Variants in NR0B2 observed in about 807,000 individuals in gnomAD.
NR0B2 encodes nuclear receptor subfamily 0 group B member 2, also known as nuclear receptor SHP.
A neutral mutation model predicts 18.9 loss-of-function variants in NR0B2; 17 were observed. The observed-to-expected ratio is 0.90, with a 90% CI of 0.62 to 1.35. NR0B2 has a LOEUF of 1.35. Among genes scored for constraint, NR0B2 ranks in the 40% most tolerant of loss-of-function variants. The pLI, the probability that NR0B2 is intolerant of heterozygous loss-of-function variation, is 0.00. For synonymous variants in NR0B2, 116 were observed against 138.5 expected (o/e 0.84, Z 1.14); for missense variants, 312 against 333.3 (o/e 0.94, Z 0.50).
chr1:26,912,736 G>T (rs1356619976), intron 1 of NR0B2, among the ~76,000 whole-genome samples: 1 of 152,102 alleles, frequency 6.6e-6, no homozygotes, highest in Non-Finnish European at 1.5e-5. Context: ...ACCCACAGAG[G>T]AGTTTTAGCT....
chr1:26,912,550 A>G (rs142599798), intron 1 of NR0B2, among the ~76,000 whole-genome samples: 66 of 152,300 alleles, frequency 4.3e-4, no homozygotes, highest in African/African-American at 1.5e-3. Context: ...ATTACAATTA[A>G]TTACTACGAT....
rs1428388662 is a variant in NR0B2 at position 26,911,694 on chromosome 1, T to C, written c.*151A>G. 2.3e-6 allele frequency: 2 copies of C among 866,298 alleles called. No individual in the cohort carries two copies. The highest frequency in any genetic ancestry group is 1.7e-5 in the African/African-American group (1 of 59,962). 53.7% of individuals were successfully genotyped at this position (866,298 alleles called of 1,614,324 possible). ...CAAACCAAGGAAGTCCAATGTGGGGTGTGGCTGAGTGAAGAGCTGTTCCTA... is the reference window on the plus strand; with the variant it reads ...CAAACCAAGGAAGTCCAATGTGGGGCGTGGCTGAGTGAAGAGCTGTTCCTA... On this transcript the variant is annotated 3_prime_UTR_variant, in exon 2 of 2. Transcript: ENST00000254227.
At position 26,913,426 on chromosome 1, in the gene NR0B2, G is replaced by A. The variant is rs1463909940; in HGVS notation, c.515C>T (p.Thr172Ile). 6.2e-7 allele frequency: 1 copy of A among 1,614,120 alleles called. No homozygotes were observed. Among genetic ancestry groups the A allele is most frequent in the Admixed American group, 1.7e-5 (1 of 60,008 alleles). ...SPKEYACLKG[T>I]ILFNPDVPGL... Reference sequence around the variant, plus strand: ...GAGCTCACCGGGGTTGAAGAGGATGGTCCCTTTCAGGCAGGCATATTCCTT... The same window carrying A: ...GAGCTCACCGGGGTTGAAGAGGATGATCCCTTTCAGGCAGGCATATTCCTT... The change falls in exon 1 of 2, where the codon ACC (threonine) becomes ATC (isoleucine). Residue 172 changes from threonine to isoleucine, a missense_variant. Coordinates refer to ENST00000254227, the MANE Select transcript of NR0B2 (RefSeq NM_021969.3).
intron 1 of NR0B2, 87 bp downstream of exon 1, chr1:26,913,322 A>G: frequency 4.3e-6 from 5 of 1,173,908 alleles, no homozygotes; most frequent in Non-Finnish European, 6.4e-6. Context: ...CCAATGAGAT[A>G]ACAGATATCA....
rs1445116897 is a variant in NR0B2 at position 26,912,081 on chromosome 1, G to T, written c.538C>A (p.Pro180Thr). The T allele has an allele frequency of 6.2e-7, 1 of 1,613,548 alleles. No individual in the cohort carries two copies. The highest frequency in any genetic ancestry group is 8.5e-7 in the Non-Finnish European group (1 of 1,180,020). The change falls in exon 2 of 2, where the codon CCA becomes ACA. Residue 180 changes from proline to threonine, a missense_variant. Physicochemically the swap from Pro to Thr is conservative, Grantham distance 38. Coordinates refer to ENST00000254227, the MANE Select transcript of NR0B2 (RefSeq NM_021969.3). ...ATGTGGGAGGCGGCTTGGAGGCCTG[G>T]CACATCTGTGGGCAGAGAGGGAGAA... ...KGTILFNPDV[P>T]GLQAASHIGH...
chr1:26,913,268 C>T, intron 1 of NR0B2, 141 bp downstream of exon 1: 1 of 794,866 alleles, frequency 1.3e-6, no homozygotes, highest in Non-Finnish European at 2.1e-6. Context: ...GACTGGGTGA[C>T]AGAGTGAGAC....
chr1:26,912,917 C>T (rs1470770683), intron 1 of NR0B2, among the ~76,000 whole-genome samples: 1 of 152,244 alleles, frequency 6.6e-6, no homozygotes, highest in East Asian at 1.9e-4. Flanking sequence ...TGGTCTGTCC[C>T]TACCTGGCTG....
Position 26,913,599 on chromosome 1 carries a change from C to T in NR0B2, c.342G>A (p.Val114=), listed in dbSNP as rs1265678714. 6.8e-6 allele frequency: 11 copies of T among 1,613,982 alleles called. No individual in the cohort carries two copies. The highest frequency in any genetic ancestry group is 9.3e-6 in the Non-Finnish European group (11 of 1,180,014). ...GCAGAATCTTCTTGAGTATGCTGGG[C>T]ACCGGGGCCTCAGCCACCTCAAAGG... is the stretch of plus-strand genomic sequence containing the variant. The part of the protein sequence containing the change: ...AVTFEVAEAP[V]PSILKKILLE... Residue 114 remains valine, a synonymous_variant, in exon 1 of 2, where the codon GTG becomes GTA. Transcript: ENST00000254227.
In NR0B2 at chr1:26,913,903, C is replaced by T. The variant is rs2082046328; in HGVS notation, c.38G>A (p.Gly13Glu). Residue 13 changes from glycine (G) to glutamate (E), a missense_variant, in exon 1 of 2, where the codon GGA (glycine) becomes GAA (glutamate). By Grantham distance (98) the Gly-to-Glu change is moderately conservative. Transcript: ENST00000254227. Reference protein sequence around the residue: ...TSQPGACPCQGAASRPAILYA... With the variant: ...TSQPGACPCQEAASRPAILYA... The stretch of plus-strand genomic sequence containing the variant: ...GAGAATGGCGGGGCGGCTTGCAGCT[C>T]CCTGGCATGGGCAGGCCCCTGGTTG... 6.7e-7 allele frequency: 1 copy of T among 1,484,500 alleles called. No individual in the cohort carries two copies. The highest frequency in any genetic ancestry group is 9.0e-7 in the Non-Finnish European group (1 of 1,115,650). 92.0% of individuals were successfully genotyped at this position (1,484,500 alleles called of 1,614,324 possible). A position where few individuals can be genotyped will look rare whatever the true frequency, so the allele number is the denominator to read the frequency against.
Position 26,913,787 on chromosome 1 carries a change from G to A in NR0B2, c.154C>T (p.Pro52Ser). Residue 52 changes from proline to serine, a missense_variant, in exon 1 of 2, where the codon CCT (proline) becomes TCT (serine). Physicochemically the swap from Pro to Ser is moderately conservative, Grantham distance 74. Coordinates refer to ENST00000254227, the MANE Select transcript of NR0B2 (RefSeq NM_021969.3). Reference protein sequence around the residue: ...RQHRPVQLCAPHRTCREALDV... With the variant: ...RQHRPVQLCASHRTCREALDV... ...AAGGCCTCCCGGCAGGTGCGATGAG[G>A]TGCACATAGCTGGACGGGCCGGTGC... 6.4e-7 allele frequency: 1 copy of A among 1,553,704 alleles called. No homozygotes were observed. The highest frequency in any genetic ancestry group is 8.7e-7 in the Non-Finnish European group (1 of 1,148,432).
chr1:26,911,664 GTGT>G lies in NR0B2; in HGVS notation c.*178_*180del. 1 of 712,938 alleles carries G rather than the reference GTGT, an allele frequency of 1.4e-6. No homozygotes were observed. Among genetic ancestry groups the G allele is most frequent in the East Asian group, 2.8e-5 (1 of 35,576 alleles). The allele number at this position is 712,938 out of a possible 1,614,324, so 44.2% of individuals were successfully genotyped here. On this transcript the variant is annotated 3_prime_UTR_variant, in exon 2 of 2. Coordinates refer to ENST00000254227, the MANE Select transcript of NR0B2 (RefSeq NM_021969.3). ...AAGCCTCCCAGGCAGCTGGAACACT[GTGT>G]CCAAACCAAGGAAGTCCAATGTGGG...
rs770359977 is a variant in NR0B2 at position 26,912,031 on chromosome 1, G to A, written c.588C>T (p.His196=). The part of the protein sequence containing the change: ...SHIGHLQQEA[H]WVLCEVLEPW... Reference sequence around the variant, plus strand: ...GTTCCAGGACTTCACACAGCACCCAGTGAGCCTCCTGCTGCAGGTGCCCAA... The same window carrying A: ...GTTCCAGGACTTCACACAGCACCCAATGAGCCTCCTGCTGCAGGTGCCCAA... Residue 196 remains histidine (H), a synonymous_variant, in exon 2 of 2, where the codon CAC becomes CAT. Transcript: ENST00000254227. The A allele has an allele frequency of 1.2e-6, 2 of 1,614,196 alleles. No individual in the cohort carries two copies. The highest frequency in any genetic ancestry group is 1.1e-5 in the South Asian group (1 of 91,090).
chr1:26,912,180 C>T (rs976207489), intron 1 of NR0B2, 94 bp from the exon 2 acceptor site: 1 of 1,482,440 alleles, frequency 6.7e-7, no homozygotes, highest in Non-Finnish European at 9.2e-7. Flanking sequence ...TCAGAGACAC[C>T]CCTCTGCCTC....
rs2082027994 is a variant in NR0B2, at chr1:26,911,753, C to A, written c.*92G>T. The A allele has an allele frequency of 1.3e-6, 2 of 1,514,490 alleles. No homozygotes were observed. The highest frequency in any genetic ancestry group is 1.7e-5 in the Admixed American group (1 of 57,598). 93.8% of individuals were successfully genotyped at this position (1,514,490 alleles called of 1,614,324 possible). On this transcript the variant is annotated 3_prime_UTR_variant, in exon 2 of 2. Transcript: ENST00000254227. ...AGTGCTGTCTATACAGGCTTGCCCC[C>A]TCCAGGAGCATTGGGTCACCTCTGG...
chr1:26,911,650 G>A lies in NR0B2; in HGVS notation c.*195C>T, dbSNP rs1339347871. ...GTGGGGACCACCAAAAGCCTCCCAG[G>A]CAGCTGGAACACTGTGTCCAAACCA... On this transcript the variant is annotated 3_prime_UTR_variant, in exon 2 of 2. Transcript: ENST00000254227. The A allele has an allele frequency of 4.6e-6, 3 of 645,832 alleles. No homozygotes were observed. In the African/African-American group the frequency reaches 5.4e-5, roughly 12 times the overall value. The allele number at this position is 645,832 out of a possible 1,614,324, so 40.0% of individuals were successfully genotyped here.
rs2082042229 is a variant in NR0B2 at position 26,913,625 on chromosome 1, T to C, written c.316A>G (p.Thr106Ala). The C allele has an allele frequency of 6.2e-7, 1 of 1,613,890 alleles. No individual in the cohort carries two copies. The part of the protein sequence containing the change: ...FLLGLAQDAV[T>A]FEVAEAPVPS... ...ACCGGGGCCTCAGCCACCTCAAAGGTCACAGCATCTTGGGCCAACCCAAGC... is the reference window on the plus strand; with the variant it reads ...ACCGGGGCCTCAGCCACCTCAAAGGCCACAGCATCTTGGGCCAACCCAAGC... The change falls in exon 1 of 2, where the codon ACC (threonine) becomes GCC (alanine). Residue 106 changes from threonine to alanine, a missense_variant. By Grantham distance (58) the Thr-to-Ala change is moderately conservative. Coordinates refer to ENST00000254227, the MANE Select transcript of NR0B2 (RefSeq NM_021969.3).
chr1:26,911,538 A>AGGACT lies in NR0B2; in HGVS notation c.*306_*307insAGTCC, dbSNP rs1386735803. 11 of 413,382 alleles carry AGGACT rather than the reference A, an allele frequency of 2.7e-5. No homozygotes were observed. Among genetic ancestry groups the AGGACT allele is most frequent in the Non-Finnish European group, 5.0e-5 (11 of 218,596 alleles). 25.6% of individuals were successfully genotyped at this position (413,382 alleles called of 1,614,324 possible). ...AATCAATAACTTAATTCAGTTCTGT[A>AGGACT]TAAAGTCGATAGGACTTCTGGTCCA... On this transcript the variant is annotated 3_prime_UTR_variant, in exon 2 of 2. Transcript: ENST00000254227.
chr1:26,912,064 G>A lies in NR0B2; in HGVS notation c.555C>T (p.Ala185=). ...FNPDVPGLQA[A]SHIGHLQQEA... ...CCTGCTGCAGGTGCCCAATGTGGGA[G>A]GCGGCTTGGAGGCCTGGCACATCTG... Residue 185 remains alanine, a synonymous_variant, in exon 2 of 2, where the codon GCC becomes GCT. Transcript: ENST00000254227. 1 of 1,613,956 alleles carries A rather than the reference G, an allele frequency of 6.2e-7. No homozygotes were observed. The highest frequency in any genetic ancestry group is 8.5e-7 in the Non-Finnish European group (1 of 1,180,030).
At position 26,913,483 on chromosome 1, in the gene NR0B2, A is replaced by C. The variant is rs750092299; in HGVS notation, c.458T>G (p.Leu153Arg). The stretch of plus-strand genomic sequence containing the variant: ...AAGCTCCAGGCTCCAGAAGGACTCC[A>C]GACAGCATTGAAGCCACTGCACCGC... ...LAAVQWLQCC[L>R]ESFWSLELSP... The change falls in exon 1 of 2, where the codon CTG becomes CGG. Residue 153 changes from leucine (L) to arginine (R), a missense_variant. Coordinates refer to ENST00000254227, the MANE Select transcript of NR0B2 (RefSeq NM_021969.3). 1 of 1,614,054 alleles carries C rather than the reference A, an allele frequency of 6.2e-7. No individual in the cohort carries two copies. The highest frequency in any genetic ancestry group is 1.1e-5 in the South Asian group (1 of 91,078).
Sources: allele counts gnomAD v4.1 joint callset (sites outside exome capture counted in the v4.1 genomes callset), GRCh38; gene constraint gnomAD v4.1.1; transcripts MANE v1.5; gene names NCBI Gene and HGNC (gene_info 2026-07-23, HGNC 2026-07-21).